Variants in SLC16A10 observed in about 807,000 individuals in gnomAD.
The protein encoded by SLC16A10 is monocarboxylate transporter 10.
SLC16A10 carries 27 observed loss-of-function variants against 40.0 expected under a neutral mutation model. The observed-to-expected ratio is 0.67, with a 90% CI of 0.50 to 0.93. SLC16A10 has a LOEUF of 0.93. Among genes scored for constraint, SLC16A10 ranks in the 40% least tolerant of loss-of-function variants. The pLI is 0.00. For synonymous variants in SLC16A10, 213 were observed against 249.8 expected (o/e 0.85, Z 1.39); for missense variants, 529 against 658.2 (o/e 0.80, Z 2.15).
intron 4 of SLC16A10, among the ~76,000 whole-genome samples, chr6:111,210,848 C>T (rs991888669): frequency 6.6e-6 from 1 of 151,966 alleles, no homozygotes; most frequent in Non-Finnish European, 1.5e-5. Context: ...ACAGTGAAAC[C>T]CCATCTCTAC....
chr6:111,103,288 G>C (rs1427811962), intron 1 of SLC16A10, among the ~76,000 whole-genome samples: 1 of 152,038 alleles, frequency 6.6e-6, no homozygotes, highest in Non-Finnish European at 1.5e-5. Flanking sequence ...CACGATCTTG[G>C]CTTACGGCCA....
At chr6:111,097,815 G>A (rs939389229) in intron 1 of SLC16A10, among the ~76,000 whole-genome samples, 2 of 152,140 alleles carry the variant, frequency 1.3e-5, no homozygotes, top group Non-Finnish European at 2.9e-5. Flanking sequence ...CACTCACTAA[G>A]GAGTTTTAAA....
intron 3 of SLC16A10, among the ~76,000 whole-genome samples, chr6:111,182,317 T>TC (rs1772809738): frequency 1.4e-5 from 2 of 142,074 alleles, no homozygotes; most frequent in East Asian, 2.0e-4. Context: ...TTTCTTTTTT[T>TC]TTTTTTTTTT....
rs1048371171 is a variant in SLC16A10, at chr6:111,155,806, T to C, written c.344-16889T>C. ...GCATAGATAGGTTGGTATATGTACA[T>C]GTATTTTCTACCTCCTTTGGCTAAG... On this transcript the variant is annotated intron_variant, in intron 1 of 5. Transcript: ENST00000368851. Among the ~76,000 whole-genome samples, 5 of 152,218 alleles carry C rather than the reference T, an allele frequency of 3.3e-5. No individual in the cohort carries two copies. The East Asian group carries it at 9.6e-4, about 29-fold the overall frequency.
chr6:111,120,172 C>G (rs967834631), intron 1 of SLC16A10, among the ~76,000 whole-genome samples: 1 of 152,230 alleles, frequency 6.6e-6, no homozygotes, highest in Non-Finnish European at 1.5e-5. Context: ...TTCCAACATC[C>G]TTAGTTTGGA....
chr6:111,144,304 C>T (rs1036405226), intron 1 of SLC16A10, among the ~76,000 whole-genome samples: 19 of 152,102 alleles, frequency 1.2e-4, no homozygotes, highest in Admixed American at 3.3e-4. Flanking sequence ...CCCGGGTTCA[C>T]GCCATTCTCC....
chr6:111,202,372 G>A lies in SLC16A10; in HGVS notation c.943-4220G>A, dbSNP rs545942106. Among the ~76,000 whole-genome samples, 6 of 152,242 alleles carry A rather than the reference G, an allele frequency of 3.9e-5. No homozygotes were observed. In the South Asian group the frequency reaches 8.3e-4, roughly 21 times the overall value. ...ATGTACCTGTGGTCCCAGGTACTCG[G>A]GAGGCTGAGGTAGGAGGATTGTTTA... On this transcript the variant is annotated intron_variant, in intron 3 of 5. Transcript: ENST00000368851.
intron 3 of SLC16A10, among the ~76,000 whole-genome samples, chr6:111,199,191 G>T (rs9487596): frequency 0.026 from 3,972 of 152,208 alleles, 156 homozygotes; most frequent in African/African-American, 0.091. Context: ...TGGGTGTGGG[G>T]GCTCATGCCA....
chr6:111,114,804 C>T (rs927678921), intron 1 of SLC16A10, among the ~76,000 whole-genome samples: 2 of 152,206 alleles, frequency 1.3e-5, no homozygotes, highest in East Asian at 1.9e-4. Context: ...TGGTAAGCAC[C>T]TATAATTTTC....
chr6:111,182,225 T>C (rs1772806139), intron 3 of SLC16A10, among the ~76,000 whole-genome samples: 1 of 151,536 alleles, frequency 6.6e-6, no homozygotes, highest in African/African-American at 2.4e-5. Context: ...GGTCCCGAAC[T>C]CCTGACCTCA....
chr6:111,099,318 G>T (rs761264562), intron 1 of SLC16A10, among the ~76,000 whole-genome samples: 2 of 152,106 alleles, frequency 1.3e-5, no homozygotes, highest in Non-Finnish European at 2.9e-5. Context: ...TTGTATGTAT[G>T]TATTTATTTA....
intron 2 of SLC16A10, among the ~76,000 whole-genome samples, chr6:111,176,880 C>G (rs1246051302): frequency 6.6e-6 from 1 of 152,158 alleles, no homozygotes; most frequent in East Asian, 1.9e-4. Flanking sequence ...CTGGCACCAA[C>G]CTTTATTTCT....
At chr6:111,108,919 T>C (rs958883094) in intron 1 of SLC16A10, among the ~76,000 whole-genome samples, 4 of 152,198 alleles carry the variant, frequency 2.6e-5, no homozygotes, top group African/African-American at 9.7e-5. Context: ...TTTTGTGTCA[T>C]TATGAGCAAC....
intron 1 of SLC16A10, among the ~76,000 whole-genome samples, chr6:111,100,483 T>C (rs1771154993): frequency 6.6e-6 from 1 of 151,762 alleles, no homozygotes; most frequent in Non-Finnish European, 1.5e-5. Context: ...CTGCCTCCCG[T>C]GTACAAGCGA....
At chr6:111,192,162 C>T (rs1773005474) in intron 3 of SLC16A10, among the ~76,000 whole-genome samples, 1 of 152,140 alleles carries the variant, frequency 6.6e-6, no homozygotes, top group Admixed American at 6.6e-5. Context: ...CATCGTCAGG[C>T]TGCAAATTTT....
intron 1 of SLC16A10, among the ~76,000 whole-genome samples, chr6:111,172,462 A>G (rs777766013): frequency 1.3e-5 from 2 of 152,302 alleles, no homozygotes; most frequent in South Asian, 4.1e-4. Context: ...AAGATTAAAC[A>G]TATCTATGGT....
chr6:111,102,893 T>C (rs1052138005), intron 1 of SLC16A10, among the ~76,000 whole-genome samples: 1 of 152,142 alleles, frequency 6.6e-6, no homozygotes, highest in Non-Finnish European at 1.5e-5. Flanking sequence ...AAATTTTGTT[T>C]GCATGTATTT....
At position 111,170,589 on chromosome 6, in the gene SLC16A10, A is replaced by C. The variant is rs532395058; in HGVS notation, c.344-2106A>C. 2.6e-5 allele frequency among the ~76,000 whole-genome samples: 4 copies of C among 152,180 alleles called. No individual in the cohort carries two copies. The South Asian group carries it at 8.3e-4, about 32-fold the overall frequency. On this transcript the variant is annotated intron_variant, in intron 1 of 5. Coordinates refer to ENST00000368851, the MANE Select transcript of SLC16A10 (RefSeq NM_018593.5). Reference sequence around the variant, plus strand: ...CTCAGCCTCCTGAGTAGCTGGGATTACAGGCACCCACCACCACGCCTGGCT... The same window carrying C: ...CTCAGCCTCCTGAGTAGCTGGGATTCCAGGCACCCACCACCACGCCTGGCT...
At chr6:111,187,445 G>A (rs1403598263) in intron 3 of SLC16A10, among the ~76,000 whole-genome samples, 1 of 152,062 alleles carries the variant, frequency 6.6e-6, no homozygotes, top group Non-Finnish European at 1.5e-5. Flanking sequence ...GGACCTGAAA[G>A]GCATTGTACA....
Sources: allele counts gnomAD v4.1 joint callset (sites outside exome capture counted in the v4.1 genomes callset), GRCh38; gene constraint gnomAD v4.1.1; transcripts MANE v1.5; gene names NCBI Gene and HGNC (gene_info 2026-07-23, HGNC 2026-07-21).